PCDHA9: variants seen among roughly 807,000 people sequenced by gnomAD.
PCDHA9 encodes protocadherin alpha 9, also known as protocadherin alpha-9.
Under a neutral mutation model 62.0 loss-of-function variants are expected in PCDHA9, and 62 were observed. That is an observed-to-expected ratio of 1.00 (90% CI 0.81 to 1.23). The LOEUF (loss-of-function observed/expected upper bound fraction) is 1.23, where lower values mean the gene tolerates loss of function less well. Among genes scored for constraint, PCDHA9 ranks in the 50% most tolerant of loss-of-function variants. The pLI is 0.00. For missense variants in PCDHA9, 1,205 were observed against 1,249.8 expected, an observed-to-expected ratio of 0.96 and a Z score of 0.54; for synonymous variants, 557 against 567.6, an observed-to-expected ratio of 0.98 and a Z score of 0.27.
intron 1 of PCDHA9, chr5:140,882,774 C>T (rs782785084): frequency 1.2e-6 from 2 of 1,614,228 alleles, no homozygotes; most frequent in Non-Finnish European, 1.7e-6. Flanking sequence ...TCGGCATTGA[C>T]CTACCGACTG....
chr5:140,871,287 G>C (rs782751803), intron 1 of PCDHA9: 2 of 1,613,932 alleles, frequency 1.2e-6, no homozygotes, highest in Middle Eastern at 1.7e-4. Context: ...CGCCCACTGA[G>C]GGCGCGTGCG....
chr5:140,861,110 T>C (rs2046757682), intron 1 of PCDHA9: 1 of 152,560 alleles, frequency 6.6e-6, no homozygotes, highest in Non-Finnish European at 1.5e-5. Flanking sequence ...CTTTAAAAAC[T>C]ACAAACACCC....
intron 1 of PCDHA9, chr5:140,930,452 G>A (rs2086853363): frequency 6.6e-6 from 1 of 151,826 alleles, no homozygotes; most frequent in Non-Finnish European, 1.5e-5. Flanking sequence ...CAAACTCCTA[G>A]CCTCAAGTGA....
intron 1 of PCDHA9, chr5:140,967,285 G>A (rs150694611): frequency 1.9e-6 from 3 of 1,613,058 alleles, no homozygotes; most frequent in East Asian, 2.2e-5. Context: ...AGAGTGCGCA[G>A]GACCCCGACG....
rs150390468 is a variant in PCDHA9 at position 140,876,777 on chromosome 5, G to A, written c.2394+25888G>A. The A allele has an allele frequency of 2.3e-3, 3,781 of 1,614,244 alleles. 8 individuals carry two copies. Among genetic ancestry groups the A allele is most frequent in the Non-Finnish European group, 3.0e-3 (3,507 of 1,180,036 alleles). On this transcript the variant is annotated intron_variant, in intron 1 of 3. Coordinates refer to ENST00000532602, the MANE Select transcript of PCDHA9 (RefSeq NM_031857.2). ...CGCGGGATGGGGGCTCGCCTTCGCT[G>A]TGGGCCACGGCTAGAGTGTCCGTGG...
chr5:140,917,449 C>T (rs1290889939), intron 1 of PCDHA9, among the ~76,000 whole-genome samples: 2 of 152,006 alleles, frequency 1.3e-5, no homozygotes, highest in Admixed American at 6.6e-5. Context: ...GCTGCAAGAG[C>T]GTTTGGCATC....
chr5:140,918,111 C>T (rs1035723043), intron 1 of PCDHA9, among the ~76,000 whole-genome samples: 1 of 152,016 alleles, frequency 6.6e-6, no homozygotes, highest in Non-Finnish European at 1.5e-5. Flanking sequence ...CTTTCACATC[C>T]TTGATTAGCC....
chr5:140,919,207 T>C (rs1554198972), intron 1 of PCDHA9, among the ~76,000 whole-genome samples: 1 of 152,222 alleles, frequency 6.6e-6, no homozygotes, highest in Non-Finnish European at 1.5e-5. Context: ...CATTATAAAA[T>C]GTCCTTCTTG....
chr5:140,866,441 G>A (rs1313181432), intron 1 of PCDHA9: 1 of 151,728 alleles, frequency 6.6e-6, no homozygotes, highest in African/African-American at 2.4e-5. Flanking sequence ...GTCTTCTTCA[G>A]TCTTATTGTT....
chr5:140,908,208 C>A (rs1477430085), intron 1 of PCDHA9, among the ~76,000 whole-genome samples: 8 of 152,136 alleles, frequency 5.3e-5, no homozygotes, highest in Non-Finnish European at 1.0e-4. Context: ...TCATGCAGAA[C>A]CATCTGTGAA....
At chr5:140,914,393 C>A (rs1338816793) in intron 1 of PCDHA9, among the ~76,000 whole-genome samples, 1 of 152,080 alleles carries the variant, frequency 6.6e-6, no homozygotes, top group Non-Finnish European at 1.5e-5. Context: ...AGTGTAGTTA[C>A]CCCTGCTCCT....
At chr5:140,882,824 C>G in intron 1 of PCDHA9, 6 of 1,614,206 alleles carry the variant, frequency 3.7e-6, no homozygotes, top group Non-Finnish European at 5.1e-6. Flanking sequence ...ACAAAACAGT[C>G]TTGAGCAAAT....
At chr5:140,928,585 G>A (rs1554206029) in intron 1 of PCDHA9, 1 of 1,614,194 alleles carries the variant, frequency 6.2e-7, no homozygotes, top group Admixed American at 1.7e-5. Context: ...AAATGGTTCT[G>A]TCCCAGTGGA....
intron 3 of PCDHA9, among the ~76,000 whole-genome samples, chr5:141,004,848 CAG>C (rs1554259777): frequency 6.6e-6 from 1 of 152,190 alleles, no homozygotes; most frequent in Non-Finnish European, 1.5e-5. Context: ...TCATTAGTCT[CAG>C]AGAAAAAATT....
chr5:141,000,391 C>CTATA (rs2097912428), intron 3 of PCDHA9, among the ~76,000 whole-genome samples: 2 of 56,664 alleles, frequency 3.5e-5, no homozygotes, highest in Non-Finnish European at 6.1e-5. Context: ...CTCTCTCTCT[C>CTATA]TCTCTATATA....
At chr5:140,870,925 T>A (rs1554164841) in intron 1 of PCDHA9, 1 of 1,613,916 alleles carries the variant, frequency 6.2e-7, no homozygotes, top group South Asian at 1.1e-5. Flanking sequence ...GTGGCTTTCA[T>A]ATGAATTGCA....
At chr5:140,925,108 G>GGAGGGAA (rs1554202548) in intron 1 of PCDHA9, among the ~76,000 whole-genome samples, 1 of 124,702 alleles carries the variant, frequency 8.0e-6, no homozygotes, top group African/African-American at 3.3e-5. Context: ...GAAGGAAGGA[G>GGAGGGAA]GGAAGGAAGG....
In PCDHA9 at chr5:140,913,731, A is replaced by G. The variant is rs557158674; in HGVS notation, c.2394+62842A>G. ...CAATTACAGCTACAAATTTCCCTCT[A>G]ATAGTACTCCTTTTGTTGTATCTCA... On this transcript the variant is annotated intron_variant, in intron 1 of 3. Transcript: ENST00000532602. Among the ~76,000 whole-genome samples the G allele has an allele frequency of 1.8e-4, 27 of 152,194 alleles. No homozygotes were observed. The South Asian group carries it at 2.5e-3, about 14-fold the overall frequency.
At chr5:140,928,808 G>A (rs782344407) in intron 1 of PCDHA9, 3 of 1,614,062 alleles carry the variant, frequency 1.9e-6, no homozygotes, top group Non-Finnish European at 2.5e-6. Flanking sequence ...GTAGTGGTTC[G>A]GGACCATGGA....
Sources: allele counts gnomAD v4.1 joint callset (sites outside exome capture counted in the v4.1 genomes callset), GRCh38; gene constraint gnomAD v4.1.1; transcripts MANE v1.5; gene names NCBI Gene and HGNC (gene_info 2026-07-23, HGNC 2026-07-21).